CCDC171: variants seen among roughly 807,000 people sequenced by gnomAD.
The protein encoded by CCDC171 is coiled-coil domain-containing protein 171.
Under a neutral mutation model 168.2 loss-of-function variants are expected in CCDC171, and 177 were observed. The ratio of observed to expected loss-of-function variants is 1.05; its 90% CI spans 0.93 to 1.19. The LOEUF (loss-of-function observed/expected upper bound fraction) is 1.19, where lower values mean the gene tolerates loss of function less well. Among genes scored for constraint, CCDC171 ranks in the 50% most tolerant of loss-of-function variants. CCDC171 has a pLI of 0.00. For missense variants in CCDC171, 1,991 were observed against 1,539.0 expected (o/e 1.29, Z -4.91); for synonymous variants, 687 against 540.8 (o/e 1.27, Z -3.75).
At chr9:15,824,329 A>G (rs2059923348) in intron 21 of CCDC171, among the ~76,000 whole-genome samples, 1 of 152,016 alleles carries the variant, frequency 6.6e-6, no homozygotes. Context: ...TTATACATTT[A>G]CATATGTATT....
intron 25 of CCDC171, among the ~76,000 whole-genome samples, chr9:15,923,762 A>G (rs1028974942): frequency 1.3e-5 from 2 of 151,428 alleles, no homozygotes; most frequent in Admixed American, 1.3e-4. Flanking sequence ...AATACATGCA[A>G]TTTCATCTTG....
chr9:15,603,226 T>A (rs1412340831), intron 6 of CCDC171, among the ~76,000 whole-genome samples: 1 of 152,096 alleles, frequency 6.6e-6, no homozygotes, highest in East Asian at 1.9e-4. Context: ...CCTTGTGATC[T>A]TCCCGCCTCA....
chr9:15,632,500 C>T lies in CCDC171; in HGVS notation c.822+9087C>T, dbSNP rs1280141549. 2.6e-5 allele frequency among the ~76,000 whole-genome samples: 4 copies of T among 151,990 alleles called. No individual in the cohort carries two copies. The East Asian group carries it at 7.7e-4, about 29-fold the overall frequency. On this transcript the variant is annotated intron_variant, in intron 7 of 25. Transcript: ENST00000380701. Reference sequence around the variant, plus strand: ...GACCTCTTCAAGGAGAGCTACAAACCACTGCTCAACAAAATAAAAGAGGAT... The same window carrying T: ...GACCTCTTCAAGGAGAGCTACAAACTACTGCTCAACAAAATAAAAGAGGAT...
intron 24 of CCDC171, among the ~76,000 whole-genome samples, chr9:15,882,043 A>G (rs936351963): frequency 2.6e-5 from 4 of 152,182 alleles, no homozygotes; most frequent in Non-Finnish European, 5.9e-5. Context: ...TGCCTTACTA[A>G]TATACATTCT....
At chr9:16,001,641 G>C (rs557609156) in intron 3 of CCDC171, among the ~76,000 whole-genome samples, 29 of 152,124 alleles carry the variant, frequency 1.9e-4, no homozygotes, top group Non-Finnish European at 4.1e-4. Flanking sequence ...GATTATAATA[G>C]AGCTGAAAAA....
At chr9:15,895,305 A>G (rs1461873761) in intron 24 of CCDC171, among the ~76,000 whole-genome samples, 1 of 152,146 alleles carries the variant, frequency 6.6e-6, no homozygotes, top group Non-Finnish European at 1.5e-5. Flanking sequence ...TGAGGAGCCT[A>G]ACCATTCTGC....
At chr9:16,037,870 G>T (rs2133050855), upstream of CCDC171, among the ~76,000 whole-genome samples, 1 of 152,032 alleles carries the variant, frequency 6.6e-6, no homozygotes, top group African/African-American at 2.4e-5. Context: ...AGAAAATGAA[G>T]GAGAAGAAAT....
chr9:16,035,758 G>T (rs1833453445), intron 7 of CCDC171, among the ~76,000 whole-genome samples: 2 of 152,144 alleles, frequency 1.3e-5, no homozygotes, highest in Non-Finnish European at 2.9e-5. Flanking sequence ...TAGAAGAGGG[G>T]ATTGATATTT....
chr9:15,918,414 C>T lies in CCDC171; in HGVS notation c.3601-1856C>T, dbSNP rs1270564537. ...ATTTCCCAACAACATAGAGTTGAAT[C>T]AAAGTAAGACTCAGAAAAAAAAAAA... On this transcript the variant is annotated intron_variant, in intron 24 of 25. Transcript: ENST00000380701. Among the ~76,000 whole-genome samples the T allele has an allele frequency of 1.5e-5, 2 of 134,640 alleles. 1 individual carries two copies. 88.3% of individuals were successfully genotyped at this position (134,640 alleles called of 152,430 possible). A position where few individuals can be genotyped will look rare whatever the true frequency, so the allele number is the denominator to read the frequency against.
At chr9:16,080,283 C>T in the CCDC171 span, among the ~76,000 whole-genome samples, 720 of 152,200 alleles carry the variant, frequency 4.7e-3, 4 homozygotes, top group African/African-American at 0.017. Flanking sequence ...TTATAGTGAT[C>T]GCTAATCATT....
chr9:15,621,455 C>CT (rs1239023340), intron 6 of CCDC171, among the ~76,000 whole-genome samples: 1 of 152,020 alleles, frequency 6.6e-6, no homozygotes, highest in Non-Finnish European at 1.5e-5. Flanking sequence ...AGCCATATCT[C>CT]TAAGGTATGC....
intron 1 of CCDC171, among the ~76,000 whole-genome samples, chr9:15,560,944 A>G (rs2039250463): frequency 6.6e-6 from 1 of 152,178 alleles, no homozygotes; most frequent in Non-Finnish European, 1.5e-5. Context: ...TCCTTCTAAC[A>G]GTCAGGACCC....
intron 7 of CCDC171, among the ~76,000 whole-genome samples, chr9:15,626,608 G>C (rs559851375): frequency 6.6e-6 from 1 of 152,110 alleles, no homozygotes; most frequent in African/African-American, 2.4e-5. Flanking sequence ...TTATATGATG[G>C]ATTACGTTTA....
chr9:15,727,983 T>G lies in CCDC171; in HGVS notation c.1807T>G (p.Leu603Val). 6.2e-7 allele frequency: 1 copy of G among 1,613,302 alleles called. No individual in the cohort carries two copies. The highest frequency in any genetic ancestry group is 8.5e-7 in the Non-Finnish European group (1 of 1,179,538). The stretch of plus-strand genomic sequence containing the variant: ...CTCTTGGTCTGAGCTTTGTGCAGTC[T>G]TACAGGAGAATGTTGATGCCCTGAT... Reference protein sequence around the residue: ...KFSWSELCAVLQENVDALIAD... With the variant: ...KFSWSELCAVVQENVDALIAD... The change falls in exon 15 of 26, where the codon TTA (leucine) becomes GTA (valine). Residue 603 changes from leucine to valine, a missense_variant. Physicochemically the swap from Leu to Val is conservative, Grantham distance 32. Coordinates refer to ENST00000380701, the MANE Select transcript of CCDC171 (RefSeq NM_173550.4).
In CCDC171 at chr9:15,591,418, G is replaced by T; in HGVS notation, c.405G>T (p.Gln135His). The change falls in exon 5 of 26, where the codon CAG becomes CAT. Residue 135 changes from glutamine (Q) to histidine (H), a missense_variant. Coordinates refer to ENST00000380701, the MANE Select transcript of CCDC171 (RefSeq NM_173550.4). The stretch of plus-strand genomic sequence containing the variant: ...CAAATGAGACTGAGAAAGCATTTCA[G>T]ACTTCTCAGCAAAAATGGAAAGAAG... ...AKTNETEKAF[Q>H]TSQQKWKEEC... 1 of 1,609,082 alleles carries T rather than the reference G, an allele frequency of 6.2e-7. No homozygotes were observed. Among genetic ancestry groups the T allele is most frequent in the South Asian group, 1.1e-5 (1 of 89,554 alleles).
intron 25 of CCDC171, among the ~76,000 whole-genome samples, chr9:15,937,210 G>C (rs1341960954): frequency 6.6e-6 from 1 of 151,844 alleles, no homozygotes; most frequent in Admixed American, 6.6e-5. Flanking sequence ...AAATAAAATT[G>C]CAATTTTTTT....
At chr9:15,595,557 A>G (rs370797920) in intron 6 of CCDC171, among the ~76,000 whole-genome samples, 9 of 152,294 alleles carry the variant, frequency 5.9e-5, no homozygotes, top group African/African-American at 2.2e-4. Context: ...ATTGTTGGAC[A>G]TTTGGGTTGG....
intron 3 of CCDC171, among the ~76,000 whole-genome samples, chr9:15,990,980 G>A (rs1189762441): frequency 6.6e-6 from 1 of 152,128 alleles, no homozygotes; most frequent in Non-Finnish European, 1.5e-5. Flanking sequence ...AATAATGGGA[G>A]ACTTTAACAC....
intron 23 of CCDC171, among the ~76,000 whole-genome samples, chr9:15,869,912 C>A (rs924972066): frequency 6.6e-6 from 1 of 151,632 alleles, no homozygotes; most frequent in East Asian, 1.9e-4. Context: ...TAAAAAAAAA[C>A]TTTATAGGTG....
Sources: gnomAD v4.1 joint callset for allele counts (sites outside exome capture counted in the v4.1 genomes callset) on GRCh38, gnomAD v4.1.1 for gene constraint, MANE v1.5 for transcripts, NCBI Gene and HGNC (gene_info 2026-07-23, HGNC 2026-07-21) for gene names.